Variants in PIK3C2A observed in about 807,000 individuals in gnomAD.
PIK3C2A encodes the protein phosphatidylinositol 4-phosphate 3-kinase C2 domain-containing subunit alpha.
In PIK3C2A, 97 loss-of-function variants were observed where a neutral mutation model predicts 204.5. The ratio of observed to expected loss-of-function variants is 0.47; its 90% CI spans 0.40 to 0.56. The LOEUF (loss-of-function observed/expected upper bound fraction) is 0.56. PIK3C2A is among the 20% of genes least tolerant of loss of function. The pLI is 0.00. For synonymous variants in PIK3C2A, 653 were observed against 664.4 expected (o/e 0.98, Z 0.26); for missense variants, 1,735 against 1,969.2 (o/e 0.88, Z 2.25).
chr11:17,118,611 G>T, intron 18 of PIK3C2A, 34 bp downstream of exon 18: 1 of 936,144 alleles, frequency 1.1e-6, no homozygotes, highest in South Asian at 1.4e-5. Flanking sequence ...TTCTAGGAAT[G>T]GAAATACGGT....
In PIK3C2A at chr11:17,147,540, T is replaced by C. The variant is rs762868029; in HGVS notation, c.1537A>G (p.Met513Val). ...IRLQLLTFSAMCQNLARTAED... is the reference protein window; with the variant it reads ...IRLQLLTFSAVCQNLARTAED... ...ACTGTTCGGGCCAGATTTTGACACA[T>C]TGCACTGAAGGTCAAGAGTTGTAGT... The change falls in exon 6 of 33, where the codon ATG becomes GTG. Residue 513 changes from methionine to valine, a missense_variant. Around this residue, in one of 6 missense-constraint regions of PIK3C2A, gnomAD observed 106 missense variants for 108.2 expected, o/e 0.98. Coordinates refer to ENST00000691414, the MANE Select transcript of PIK3C2A (RefSeq NM_002645.4). The C allele has an allele frequency of 1.1e-5, 18 of 1,606,680 alleles. No homozygotes were observed. Among genetic ancestry groups the C allele is most frequent in the South Asian group, 5.5e-5 (5 of 90,908 alleles).
intron 1 of PIK3C2A, among the ~76,000 whole-genome samples, chr11:17,173,311 G>T (rs1259297976): frequency 2.6e-5 from 4 of 152,250 alleles, no homozygotes. Context: ...CCACTCCAGA[G>T]GATCCAAATA....
At chr11:17,165,567 G>A (rs556107232) in intron 2 of PIK3C2A, among the ~76,000 whole-genome samples, 1 of 151,986 alleles carries the variant, frequency 6.6e-6, no homozygotes, top group East Asian at 1.9e-4. Context: ...CCTGAGGTCG[G>A]GAGTTTGAGA....
chr11:17,107,821 T>TA (rs1848876115), intron 22 of PIK3C2A, among the ~76,000 whole-genome samples: 1 of 152,228 alleles, frequency 6.6e-6, no homozygotes, highest in Non-Finnish European at 1.5e-5. Context: ...GGACAGATTG[T>TA]AATTCTAGTA....
At chr11:17,113,252 A>G (rs899779146) in intron 20 of PIK3C2A, among the ~76,000 whole-genome samples, 1 of 152,110 alleles carries the variant, frequency 6.6e-6, no homozygotes, top group Non-Finnish European at 1.5e-5. Context: ...TAAACATAGC[A>G]TATATGACTA....
intron 13 of PIK3C2A, among the ~76,000 whole-genome samples, chr11:17,125,730 A>G (rs1288242133): frequency 6.6e-6 from 1 of 152,026 alleles, no homozygotes; most frequent in Non-Finnish European, 1.5e-5. Flanking sequence ...TATTGGCCAG[A>G]GTTGTCTCAA....
At chr11:17,144,229 G>C (rs887292284) in intron 8 of PIK3C2A, among the ~76,000 whole-genome samples, 10 of 152,070 alleles carry the variant, frequency 6.6e-5, no homozygotes, top group African/African-American at 2.4e-4. Context: ...TGCTAACTGT[G>C]TAAGACTTGG....
Position 17,089,675 on chromosome 11 carries a change from G to A in PIK3C2A, c.*63C>T, listed in dbSNP as rs928383563. 1.1e-6 allele frequency: 1 copy of A among 913,592 alleles called. No individual in the cohort carries two copies. Among genetic ancestry groups the A allele is most frequent in the Non-Finnish European group, 1.8e-6 (1 of 570,612 alleles). 56.6% of individuals were successfully genotyped at this position (913,592 alleles called of 1,614,324 possible). A position where few individuals can be genotyped will look rare whatever the true frequency, so the allele number is the denominator to read the frequency against. On this transcript the variant is annotated 3_prime_UTR_variant, in exon 33 of 33. Transcript: ENST00000691414. Reference sequence around the variant, plus strand: ...AGTGTGTGTGTGTGTGTCTGTGTGTGTGTGCATGTATGCATGCACGTTTAT... The same window carrying A: ...AGTGTGTGTGTGTGTGTCTGTGTGTATGTGCATGTATGCATGCACGTTTAT...
At position 17,087,408 on chromosome 11, in the gene PIK3C2A, A is replaced by G. The variant is rs1457315018; in HGVS notation, c.*2330T>C. On this transcript the variant is annotated 3_prime_UTR_variant, in exon 33 of 33. Transcript: ENST00000691414. ...TGTATGTGTGTTTGAATGAGTAAAGAAGGCACAAAATGAGTTAAATTAAGA... is the reference window on the plus strand; with the variant it reads ...TGTATGTGTGTTTGAATGAGTAAAGGAGGCACAAAATGAGTTAAATTAAGA... The G allele has an allele frequency of 6.6e-6, 1 of 152,226 alleles. No individual in the cohort carries two copies. The highest frequency in any genetic ancestry group is 1.5e-5 in the Non-Finnish European group (1 of 68,026). The allele number at this position is 152,226 out of a possible 1,614,324, so 9.4% of individuals were successfully genotyped here.
At chr11:17,128,720 C>T (rs911092526) in intron 13 of PIK3C2A, among the ~76,000 whole-genome samples, 10 of 152,168 alleles carry the variant, frequency 6.6e-5, no homozygotes, top group Admixed American at 1.3e-4. Context: ...ATAGATTATA[C>T]TATCCCAGTG....
intron 1 of PIK3C2A, among the ~76,000 whole-genome samples, chr11:17,181,635 T>C (rs1591005920): frequency 1.8e-3 from 5 of 2,752 alleles, no homozygotes; most frequent in South Asian, 0.011. Flanking sequence ...TATATATATA[T>C]ATATATATAT....
In PIK3C2A at chr11:17,142,951, C is replaced by T. The variant is rs192178606; in HGVS notation, c.1704+2717G>A. Among the ~76,000 whole-genome samples the T allele has an allele frequency of 4.1e-5, 6 of 147,838 alleles. No individual in the cohort carries two copies. In the East Asian group the frequency reaches 5.9e-4, roughly 15 times the overall value. ...ATGGTGTGGCTCCTGCGGCAGGGGG[C>T]GGGGTGGGGATTTTTTTTTTTTTAA... On this transcript the variant is annotated intron_variant, in intron 8 of 32. Transcript: ENST00000691414.
In PIK3C2A at chr11:17,169,119, G is replaced by A. The variant is rs528788243; in HGVS notation, c.623C>T (p.Pro208Leu). 3 of 1,614,168 alleles carry A rather than the reference G, an allele frequency of 1.9e-6. No individual in the cohort carries two copies. The South Asian group carries it at 3.3e-5, about 18-fold the overall frequency. Reference protein sequence around the residue: ...YPLTPATPFHPQGSLPIYRPV... With the variant: ...YPLTPATPFHLQGSLPIYRPV... ...ACGATAGATAGGTAAGCTTCCTTGT[G>A]GATGAAAGGGTGTGGCAGGTGTCAA... The change falls in exon 2 of 33, where the codon CCA becomes CTA. Residue 208 changes from proline to leucine, a missense_variant. Physicochemically the swap from Pro to Leu is moderately conservative, Grantham distance 98 (BLOSUM62 -3). Coordinates refer to ENST00000691414, the MANE Select transcript of PIK3C2A (RefSeq NM_002645.4).
Position 17,143,880 on chromosome 11 carries a change from T to C in PIK3C2A, c.1704+1788A>G, listed in dbSNP as rs190989075. On this transcript the variant is annotated intron_variant, in intron 8 of 32. Coordinates refer to ENST00000691414, the MANE Select transcript of PIK3C2A (RefSeq NM_002645.4). ...TGAACCCAGGAGGCAGAGATTACAG[T>C]GAACCAAGATCACATCACTGAATTC... is the stretch of plus-strand genomic sequence containing the variant. Among the ~76,000 whole-genome samples, 10 of 152,120 alleles carry C rather than the reference T, an allele frequency of 6.6e-5. No individual in the cohort carries two copies. The East Asian group carries it at 1.9e-3, about 29-fold the overall frequency.
intron 18 of PIK3C2A, 56 bp from the exon 19 acceptor site, chr11:17,117,727 T>TTC: frequency 8.6e-7 from 1 of 1,161,678 alleles, no homozygotes; most frequent in Non-Finnish European, 1.2e-6. Flanking sequence ...TTTTTTTTTT[T>TTC]TTTTTGAGAC....
At chr11:17,170,326 T>C (rs895757633) in intron 1 of PIK3C2A, among the ~76,000 whole-genome samples, 2 of 152,240 alleles carry the variant, frequency 1.3e-5, no homozygotes, top group African/African-American at 4.8e-5. Flanking sequence ...AAATACTATG[T>C]GCAAAACTGA....
At chr11:17,190,760 G>A (rs944479139) in intron 1 of PIK3C2A, among the ~76,000 whole-genome samples, 3 of 151,914 alleles carry the variant, frequency 2.0e-5, no homozygotes, top group Admixed American at 6.6e-5. Context: ...TGATAAACCC[G>A]AGGACAGATC....
intron 1 of PIK3C2A, among the ~76,000 whole-genome samples, chr11:17,185,612 G>C (rs140463381): frequency 7.0e-4 from 106 of 152,204 alleles, no homozygotes; most frequent in African/African-American, 2.5e-3. Flanking sequence ...GTATGCATAG[G>C]TAGTAAATTT....
intron 1 of PIK3C2A, chr11:17,194,082 T>G (rs951275432): frequency 4.2e-5 from 19 of 449,760 alleles, no homozygotes; most frequent in African/African-American, 3.7e-4. Flanking sequence ...GTAAAGGAGG[T>G]TAAGCCCAAG....
Sources: gnomAD v4.1 joint callset for allele counts (sites outside exome capture counted in the v4.1 genomes callset) on GRCh38, gnomAD v4.1.1 for gene constraint, gnomAD v4.1.1 regional missense constraint, MANE v1.5 for transcripts, NCBI Gene and HGNC (gene_info 2026-07-23, HGNC 2026-07-21) for gene names.